Variants in PTPRD observed in about 807,000 individuals in gnomAD.
PTPRD encodes the protein receptor-type tyrosine-protein phosphatase delta.
Under a neutral mutation model 214.5 loss-of-function variants are expected in PTPRD, and 34 were observed. That is an observed-to-expected ratio of 0.16 (90% confidence interval 0.12 to 0.21). The LOEUF (loss-of-function observed/expected upper bound fraction) is 0.21. Among genes scored for constraint, PTPRD ranks in the 10% least tolerant of loss-of-function variants. The probability of loss-of-function intolerance (pLI) is 1.00; values close to 1 mark genes in which losing one functional copy is unlikely to be tolerated. For missense variants in PTPRD, 2,545 were observed against 2,398.7 expected (o/e 1.06, Z -1.27); for synonymous variants, 1,128 against 845.7 (o/e 1.33, Z -5.79).
intron 7 of PTPRD, among the ~76,000 whole-genome samples, chr9:9,623,357 A>G (rs902588206): frequency 9.9e-5 from 15 of 152,184 alleles, no homozygotes; most frequent in African/African-American, 3.4e-4. Context: ...ACATCTACAT[A>G]TTATCTCAAA....
intron 3 of PTPRD, among the ~76,000 whole-genome samples, chr9:10,312,762 G>C (rs2096302492): frequency 6.6e-6 from 1 of 151,794 alleles, no homozygotes; most frequent in East Asian, 1.9e-4. Flanking sequence ...AACAATCTAA[G>C]GAAATCCAAA....
chr9:8,461,290 G>T (rs2096393216), intron 32 of PTPRD, among the ~76,000 whole-genome samples: 1 of 152,024 alleles, frequency 6.6e-6, no homozygotes, highest in South Asian at 2.1e-4. Flanking sequence ...TTCTCACTTA[G>T]TTTTATTACA....
At chr9:8,726,651 G>A (rs1360998006) in intron 12 of PTPRD, among the ~76,000 whole-genome samples, 1 of 82,408 alleles carries the variant, frequency 1.2e-5, no homozygotes, top group African/African-American at 4.5e-5. Flanking sequence ...ATATATATAT[G>A]ACAGCCAGGT....
intron 10 of PTPRD, among the ~76,000 whole-genome samples, chr9:9,165,060 A>G (rs1286992670): frequency 1.3e-5 from 2 of 151,834 alleles, no homozygotes; most frequent in Non-Finnish European, 2.9e-5. Flanking sequence ...TCAAAAAAAA[A>G]AAAAAAAAAT....
chr9:9,928,904 G>A (rs1391426500), intron 5 of PTPRD, among the ~76,000 whole-genome samples: 1 of 151,934 alleles, frequency 6.6e-6, no homozygotes, highest in Admixed American at 6.6e-5. Context: ...CACTTATAAA[G>A]TACTTAAACA....
At chr9:8,985,341 A>C (rs1288157012) in intron 11 of PTPRD, among the ~76,000 whole-genome samples, 1 of 152,072 alleles carries the variant, frequency 6.6e-6, no homozygotes, top group Non-Finnish European at 1.5e-5. Flanking sequence ...TACTGTAATG[A>C]AGCTACAACT....
At chr9:10,461,074 T>C (rs2098954877) in intron 2 of PTPRD, among the ~76,000 whole-genome samples, 1 of 151,980 alleles carries the variant, frequency 6.6e-6, no homozygotes, top group African/African-American at 2.4e-5. Flanking sequence ...GATTAAAAAC[T>C]GGACAAAAGA....
chr9:9,433,367 AAT>A (rs1236708127), intron 8 of PTPRD, among the ~76,000 whole-genome samples: 1 of 152,190 alleles, frequency 6.6e-6, no homozygotes, highest in Admixed American at 6.5e-5. Context: ...GAGGATTTAT[AAT>A]GAGTATTGCA....
At chr9:9,333,948 A>G (rs1280808296) in intron 9 of PTPRD, among the ~76,000 whole-genome samples, 1 of 151,934 alleles carries the variant, frequency 6.6e-6, no homozygotes, top group Non-Finnish European at 1.5e-5. Flanking sequence ...TCGATCCTCA[A>G]TGTCGTGCGT....
Position 8,319,858 on chromosome 9 carries a change from T to C in PTPRD, c.5643A>G (p.Thr1881=), listed in dbSNP as rs1825618726. The C allele has an allele frequency of 6.2e-7, 1 of 1,612,932 alleles. No individual in the cohort carries two copies. The highest frequency in any genetic ancestry group is 1.3e-5 in the African/African-American group (1 of 74,812). ...DIFQTVKMLR[T]QRPAMVQTED... is the part of the protein sequence containing the mutation. ...CTGTCTGTACCATAGCTGGTCGTTG[T>C]GTTCTTAACATTTTGACAGTCTGGA... The change falls in exon 45 of 46, where the codon ACA becomes ACG. Residue 1881 remains threonine (T), a synonymous_variant. Transcript: ENST00000381196.
At chr9:9,575,957 A>G (rs2088579460) in intron 7 of PTPRD, among the ~76,000 whole-genome samples, 1 of 152,058 alleles carries the variant, frequency 6.6e-6, no homozygotes, top group Non-Finnish European at 1.5e-5. Flanking sequence ...CAAAGAAGAA[A>G]TTAGTAGTAC....
intron 5 of PTPRD, among the ~76,000 whole-genome samples, chr9:9,886,251 A>G (rs2070868474): frequency 6.6e-6 from 1 of 152,042 alleles, no homozygotes; most frequent in African/African-American, 2.4e-5. Context: ...TATGCCCGTC[A>G]CTGCTCTGGG....
At chr9:10,301,419 T>C (rs2095858631) in intron 3 of PTPRD, among the ~76,000 whole-genome samples, 1 of 152,132 alleles carries the variant, frequency 6.6e-6, no homozygotes, top group African/African-American at 2.4e-5. Flanking sequence ...GAGAATGAAT[T>C]TGATGAATTG....
intron 7 of PTPRD, among the ~76,000 whole-genome samples, chr9:9,650,257 C>G (rs185418230): frequency 6.6e-6 from 1 of 152,186 alleles, no homozygotes; most frequent in Non-Finnish European, 1.5e-5. Flanking sequence ...TTCCTGAGGC[C>G]TCCCCAGCCA....
chr9:10,187,538 G>A (rs767891803), intron 3 of PTPRD, among the ~76,000 whole-genome samples: 8 of 152,100 alleles, frequency 5.3e-5, no homozygotes, highest in Non-Finnish European at 1.0e-4. Context: ...TTGGCCTTTC[G>A]AATTCCTTCC....
chr9:9,517,133 C>A (rs2096857572), intron 8 of PTPRD, among the ~76,000 whole-genome samples: 1 of 151,982 alleles, frequency 6.6e-6, no homozygotes, highest in Non-Finnish European at 1.5e-5. Context: ...CTAAATTATG[C>A]AACATTTAAA....
At chr9:9,673,899 T>C (rs376671189) in intron 7 of PTPRD, among the ~76,000 whole-genome samples, 1 of 151,714 alleles carries the variant, frequency 6.6e-6, no homozygotes, top group African/African-American at 2.4e-5. Flanking sequence ...AAGTACTCGA[T>C]AGAAGTAACT....
At chr9:9,754,968 C>G (rs1056074451) in intron 6 of PTPRD, among the ~76,000 whole-genome samples, 1 of 152,004 alleles carries the variant, frequency 6.6e-6, no homozygotes, top group African/African-American at 2.4e-5. Flanking sequence ...TTGAAAGCTT[C>G]CAGTGTTTAT....
chr9:9,809,180 G>T (rs7851409), intron 5 of PTPRD, among the ~76,000 whole-genome samples: 55,074 of 151,414 alleles, frequency 0.36, 11,293 homozygotes, highest in East Asian at 0.81. Flanking sequence ...TAGGTTTGTA[G>T]GCCTTTTTTT....
Sources: allele counts gnomAD v4.1 joint callset (sites outside exome capture counted in the v4.1 genomes callset), GRCh38; gene constraint gnomAD v4.1.1; transcripts MANE v1.5; gene names NCBI Gene and HGNC (gene_info 2026-07-23, HGNC 2026-07-21).